The following MAGI2 variants were observed in gnomAD, a reference collection of about 807,000 sequenced individuals.
MAGI2 encodes the protein membrane-associated guanylate kinase, WW and PDZ domain-containing protein 2.
A neutral mutation model predicts 133.3 loss-of-function variants in MAGI2; 35 were observed. That is an observed-to-expected ratio of 0.26 (90% CI 0.20 to 0.35). The LOEUF is 0.35. Ranked by LOEUF, MAGI2 falls within the 10% of genes least tolerant of loss-of-function variation. MAGI2 has a pLI of 1.00. For synonymous variants in MAGI2, 729 were observed against 710.6 expected (o/e 1.03, Z -0.41); for missense variants, 1,636 against 1,863.4 (o/e 0.88, Z 2.25).
At chr7:78,437,720 G>C (rs1787187782) in intron 6 of MAGI2, among the ~76,000 whole-genome samples, 1 of 152,156 alleles carries the variant, frequency 6.6e-6, no homozygotes, top group African/African-American at 2.4e-5. Context: ...CATGACCACT[G>C]AGTGTTCTCT....
At chr7:78,752,292 T>A (rs993487981) in intron 2 of MAGI2, among the ~76,000 whole-genome samples, 31 of 152,314 alleles carry the variant, frequency 2.0e-4, no homozygotes, top group African/African-American at 6.7e-4. Flanking sequence ...TAGAATGATC[T>A]TTTTGTCTTG....
At chr7:79,290,244 G>T (rs142928625) in intron 1 of MAGI2, among the ~76,000 whole-genome samples, 10 of 151,792 alleles carry the variant, frequency 6.6e-5, no homozygotes, top group African/African-American at 1.9e-4. Context: ...TCCTATTCTC[G>T]TACCACCTCA....
chr7:79,376,105 T>A (rs990964330), intron 1 of MAGI2, among the ~76,000 whole-genome samples: 2 of 151,872 alleles, frequency 1.3e-5, no homozygotes, highest in African/African-American at 2.4e-5. Context: ...TACCCGTGAA[T>A]TAATCTTATT....
intron 3 of MAGI2, among the ~76,000 whole-genome samples, chr7:78,613,688 A>G (rs1806727346): frequency 6.6e-6 from 1 of 152,228 alleles, no homozygotes; most frequent in African/African-American, 2.4e-5. Context: ...TATTAAAAGA[A>G]AGAAAAATAA....
At chr7:79,371,317 T>C (rs1007743116) in intron 1 of MAGI2, among the ~76,000 whole-genome samples, 2 of 152,100 alleles carry the variant, frequency 1.3e-5, no homozygotes, top group South Asian at 2.1e-4. Flanking sequence ...AATAAATGAA[T>C]TGTCAAAGTA....
At chr7:78,909,955 A>G (rs1346038851) in intron 2 of MAGI2, among the ~76,000 whole-genome samples, 1 of 152,242 alleles carries the variant, frequency 6.6e-6, no homozygotes, top group African/African-American at 2.4e-5. Context: ...CTATGCAGCC[A>G]TGAAAAGGAA....
At chr7:79,368,847 CAAAAAA>C (rs71095400) in intron 1 of MAGI2, among the ~76,000 whole-genome samples, 5 of 75,352 alleles carry the variant, frequency 6.6e-5, no homozygotes, top group Admixed American at 1.5e-4. Flanking sequence ...GACTCCGTCT[CAAAAAA>C]AAAAAAAAAA....
chr7:78,856,073 T>C (rs1007103921), intron 2 of MAGI2, among the ~76,000 whole-genome samples: 4 of 152,244 alleles, frequency 2.6e-5, no homozygotes, highest in Non-Finnish European at 5.9e-5. Flanking sequence ...TCTGTTCATA[T>C]CCTTTGCACA....
chr7:78,728,169 C>A (rs562874760), intron 2 of MAGI2, among the ~76,000 whole-genome samples: 6 of 152,158 alleles, frequency 3.9e-5, no homozygotes, highest in Non-Finnish European at 8.8e-5. Context: ...TAAGGATGTT[C>A]ATTCCCTGCG....
intron 3 of MAGI2, among the ~76,000 whole-genome samples, chr7:78,606,357 C>T (rs1039325284): frequency 2.0e-5 from 3 of 152,072 alleles, no homozygotes; most frequent in Non-Finnish European, 2.9e-5. Context: ...ACCCTCTTTG[C>T]CCAGAGGCCT....
At chr7:79,086,333 G>A (rs1816488688) in intron 1 of MAGI2, among the ~76,000 whole-genome samples, 1 of 151,788 alleles carries the variant, frequency 6.6e-6, no homozygotes, top group African/African-American at 2.4e-5. Context: ...AACCAATTCT[G>A]TCCCTCTACC....
At chr7:78,296,557 GGGCTTCATTTACTAT>G (rs1187955719) in intron 9 of MAGI2, among the ~76,000 whole-genome samples, 5 of 151,998 alleles carry the variant, frequency 3.3e-5, no homozygotes, top group Non-Finnish European at 5.9e-5. Context: ...CAAGATGCTG[GGGCTTCATTTACTAT>G]GGTATGCCTT....
chr7:78,097,331 A>G (rs373853365), intron 20 of MAGI2, among the ~76,000 whole-genome samples: 6 of 152,224 alleles, frequency 3.9e-5, no homozygotes, highest in African/African-American at 1.4e-4. Flanking sequence ...TCAGAGGAAT[A>G]TAAGTCATCC....
intron 2 of MAGI2, among the ~76,000 whole-genome samples, chr7:78,793,373 A>G (rs1015510337): frequency 1.3e-5 from 2 of 152,212 alleles, no homozygotes; most frequent in Non-Finnish European, 2.9e-5. Flanking sequence ...GGTTGCACCT[A>G]TGGCATCTAG....
At chr7:78,258,790 C>T (rs1005716786) in intron 9 of MAGI2, among the ~76,000 whole-genome samples, 1 of 152,014 alleles carries the variant, frequency 6.6e-6, no homozygotes, top group African/African-American at 2.4e-5. Context: ...CATTGTAATA[C>T]AGTATTTAGT....
In MAGI2 at chr7:79,244,407, CA is replaced by C. The variant is rs1178931389; in HGVS notation, c.301+208612del. ...CTGACACTACCCCTCTCCCATCCTC[CA>C]GCATTGGCCACCTGGTGCTGAGAGA... On this transcript the variant is annotated intron_variant, in intron 1 of 21. Transcript: ENST00000354212. 2.0e-5 allele frequency among the ~76,000 whole-genome samples: 3 copies of C among 152,166 alleles called. No homozygotes were observed. In the East Asian group the frequency reaches 5.8e-4, roughly 29 times the overall value.
At chr7:79,273,436 A>C (rs1453868236) in intron 1 of MAGI2, among the ~76,000 whole-genome samples, 2 of 152,084 alleles carry the variant, frequency 1.3e-5, no homozygotes, top group East Asian at 3.9e-4. Flanking sequence ...AGAGGAAATA[A>C]GTAAAATAGA....
intron 6 of MAGI2, among the ~76,000 whole-genome samples, chr7:78,396,592 GC>G (rs771053880): frequency 2.0e-5 from 3 of 151,870 alleles, no homozygotes; most frequent in Non-Finnish European, 2.9e-5. Flanking sequence ...CCAACACCTT[GC>G]TTTATTTTAT....
At chr7:78,643,004 T>G (rs1810471248) in intron 2 of MAGI2, among the ~76,000 whole-genome samples, 1 of 152,306 alleles carries the variant, frequency 6.6e-6, no homozygotes, top group South Asian at 2.1e-4. Context: ...GGCATTCAGA[T>G]AGAATCTCTG....
Sources: gnomAD v4.1 joint callset for allele counts (sites outside exome capture counted in the v4.1 genomes callset) on GRCh38, gnomAD v4.1.1 for gene constraint, MANE v1.5 for transcripts, NCBI Gene and HGNC (gene_info 2026-07-23, HGNC 2026-07-21) for gene names.